CUL2: variants seen among roughly 807,000 people sequenced by gnomAD.
The protein encoded by CUL2 is cullin 2, also known as cullin-2.
In CUL2, 22 loss-of-function variants were observed where a neutral mutation model predicts 110.2. The ratio of observed to expected loss-of-function variants is 0.20; its 90% CI spans 0.14 to 0.28. The LOEUF (loss-of-function observed/expected upper bound fraction) is 0.28. Among genes scored for constraint, CUL2 ranks in the 10% least tolerant of loss-of-function variants. CUL2 has a pLI of 1.00. For synonymous variants in CUL2, 279 were observed against 293.2 expected, an observed-to-expected ratio of 0.95 and a Z score of 0.49; for missense variants, 631 against 905.5, an observed-to-expected ratio of 0.70 and a Z score of 3.89.
Position 35,031,992 on chromosome 10 carries a change from C to G in CUL2, c.1171-373G>C, listed in dbSNP as rs2085491424. Among the ~76,000 whole-genome samples the G allele has an allele frequency of 6.6e-6, 1 of 151,946 alleles. No individual in the cohort carries two copies. The highest frequency in any genetic ancestry group is 6.6e-5 in the Admixed American group (1 of 15,266). On this transcript the variant is annotated intron_variant, in intron 12 of 20. Coordinates refer to ENST00000374749, the MANE Select transcript of CUL2 (RefSeq NM_003591.4). The surrounding 1 kb of genome is among the most constrained non-coding windows in gnomAD (Gnocchi z 4.4). The stretch of plus-strand genomic sequence containing the variant: ...AAATATCAAATCATCACTTATTGAC[C>G]AATAAAGCAACTGATATAAGTAATA...
At chr10:35,020,178 A>T (rs952193038) in intron 17 of CUL2, among the ~76,000 whole-genome samples, 3 of 152,238 alleles carry the variant, frequency 2.0e-5, no homozygotes, top group Non-Finnish European at 4.4e-5. Flanking sequence ...AAAAAAAAAA[A>T]AATAAATCAC....
intron 10 of CUL2, 72 bp from the exon 11 acceptor site, chr10:35,033,345 G>C: frequency 1.0e-6 from 1 of 998,094 alleles, no homozygotes; most frequent in Non-Finnish European, 1.5e-6. Context: ...AGGTTTATTA[G>C]ACTTATTAGT....
chr10:35,013,677 A>C (rs769264066), intron 19 of CUL2, 22 bp downstream of exon 19: 4 of 1,471,540 alleles, frequency 2.7e-6, no homozygotes, highest in Admixed American at 4.0e-5. Flanking sequence ...CTCAAAAAAA[A>C]CTTGACATTA....
At position 35,031,284 on chromosome 10, in the gene CUL2, TA is replaced by T. The variant is rs2085474515; in HGVS notation, c.1386+15del. On this transcript the variant is annotated intron_variant, in intron 14 of 20. Coordinates refer to ENST00000374749, the MANE Select transcript of CUL2 (RefSeq NM_003591.4). The surrounding 1 kb of genome is among the most constrained non-coding windows in gnomAD (Gnocchi z 4.4). ...ATGAATTTCTAGGACAATACCACAT[TA>T]AAGACTTACATTACCTTTAATTTGT... is the stretch of plus-strand genomic sequence containing the variant. The T allele has an allele frequency of 6.6e-7, 1 of 1,514,652 alleles. No homozygotes were observed. The highest frequency in any genetic ancestry group is 1.4e-5 in the African/African-American group (1 of 71,638). 93.8% of individuals were successfully genotyped at this position (1,514,652 alleles called of 1,614,324 possible). A position where few individuals can be genotyped will look rare whatever the true frequency, so the allele number is the denominator to read the frequency against.
rs1011377442 is a variant in CUL2, at chr10:35,016,069, T to A, written c.1887+123A>T. On this transcript the variant is annotated intron_variant, in intron 18 of 20. Transcript: ENST00000374749. ...CAGCTCTATGGAGCGTACAGTAACGTAGTGAATACAAGTGCTTTCCAGAGC... is the reference window on the plus strand; with the variant it reads ...CAGCTCTATGGAGCGTACAGTAACGAAGTGAATACAAGTGCTTTCCAGAGC... 4.0e-6 allele frequency: 3 copies of A among 755,476 alleles called. No individual in the cohort carries two copies. The African/African-American group carries it at 5.3e-5, about 13-fold the overall frequency. 46.8% of individuals were successfully genotyped at this position (755,476 alleles called of 1,614,324 possible). A position where few individuals can be genotyped will look rare whatever the true frequency, so the allele number is the denominator to read the frequency against.
Position 35,035,253 on chromosome 10 carries a change from A to G in CUL2, c.921T>C (p.Gly307=). The G allele has an allele frequency of 1.9e-6, 3 of 1,614,172 alleles. No homozygotes were observed. Among genetic ancestry groups the G allele is most frequent in the Non-Finnish European group, 2.5e-6 (3 of 1,180,002 alleles). Residue 307 remains glycine, a synonymous_variant, in exon 10 of 21, where the codon GGT becomes GGC. Transcript: ENST00000374749. ...MYVLLRAVST[G]LPHMIQELQN... is the part of the protein sequence containing the mutation. ...GCAGCTCCTGAATCATATGAGGTAA[A>G]CCAGTGGACACAGCACGGAGTAAGA...
intron 16 of CUL2, among the ~76,000 whole-genome samples, chr10:35,026,105 C>T (rs1215496914): frequency 6.6e-6 from 1 of 152,178 alleles, no homozygotes; most frequent in African/African-American, 2.4e-5. Context: ...ATTCCTTCAG[C>T]AGTTACTCTA....
At chr10:35,104,325 A>T (rs2135114815) in intron 1 of CUL2, among the ~76,000 whole-genome samples, 1 of 152,276 alleles carries the variant, frequency 6.6e-6, no homozygotes, top group South Asian at 2.1e-4. Context: ...GTGCATTTGT[A>T]GTCTTAGTTA....
chr10:35,113,766 G>A (rs914448448), intron 1 of CUL2, among the ~76,000 whole-genome samples: 17 of 151,494 alleles, frequency 1.1e-4, no homozygotes, highest in African/African-American at 3.9e-4. Context: ...GAATGCAGTG[G>A]CACGATCTCA....
rs1417441828 is a variant in CUL2, at chr10:35,084,299, T to C, written c.-23+5880A>G. On this transcript the variant is annotated intron_variant, in intron 1 of 20. Transcript: ENST00000374749. ...TCAAACAAGCAAACAAGACACAGTA[T>C]CAGTCTGAATTTTTAATTCTCCAGA... 2.0e-5 allele frequency among the ~76,000 whole-genome samples: 3 copies of C among 152,134 alleles called. No individual in the cohort carries two copies. In the East Asian group the frequency reaches 5.8e-4, roughly 29 times the overall value.
rs749222379 is a variant in CUL2 at position 35,028,850 on chromosome 10, G to C, written c.1577C>G (p.Thr526Arg). 1 of 1,611,856 alleles carries C rather than the reference G, an allele frequency of 6.2e-7. No homozygotes were observed. The highest frequency in any genetic ancestry group is 8.5e-7 in the Non-Finnish European group (1 of 1,178,596). Residue 526 changes from threonine (T) to arginine (R), a missense_variant, in exon 16 of 21, where the codon ACG becomes AGG. Thr to Arg is a moderately conservative substitution (Grantham distance 71). Transcript: ENST00000374749. ...TTCTAATTCCTGGGGAATTGCAAACGTAGATGAAGGAGCCTGAGTAAGAGG... is the reference window on the plus strand; with the variant it reads ...TTCTAATTCCTGGGGAATTGCAAACCTAGATGAAGGAGCCTGAGTAAGAGG... The part of the protein sequence containing the change: ...AWPLTQAPSS[T>R]FAIPQELEKS...
intron 1 of CUL2, among the ~76,000 whole-genome samples, chr10:35,086,860 T>C (rs1313585471): frequency 6.6e-6 from 1 of 152,210 alleles, no homozygotes; most frequent in African/African-American, 2.4e-5. Context: ...TATTTAACAC[T>C]CTAAAAAATA....
chr10:35,021,545 G>A (rs186535504), intron 17 of CUL2, among the ~76,000 whole-genome samples: 1 of 151,534 alleles, frequency 6.6e-6, no homozygotes, highest in East Asian at 1.9e-4. Flanking sequence ...CAATTTTAAT[G>A]TATGAATATG....
rs370570975 is a variant in CUL2 at position 35,033,137 on chromosome 10, T to C, written c.1110+29A>G. 8.0e-5 allele frequency: 111 copies of C among 1,382,714 alleles called. 1 individual carries two copies. In the South Asian group the frequency reaches 1.0e-3, roughly 13 times the overall value. The allele number at this position is 1,382,714 out of a possible 1,614,324, so 85.7% of individuals were successfully genotyped here. A position where few individuals can be genotyped will look rare whatever the true frequency, so the allele number is the denominator to read the frequency against. ...AAAGAATGATAGAGTTTTATGTACA[T>C]ATATAGTATATATGTATTTAAAACT... On this transcript the variant is annotated intron_variant, in intron 11 of 20. Transcript: ENST00000374749.
intron 9 of CUL2, among the ~76,000 whole-genome samples, chr10:35,036,080 C>G (rs977842991): frequency 6.6e-6 from 1 of 152,212 alleles, no homozygotes; most frequent in Admixed American, 6.5e-5. Flanking sequence ...CAGGCATTAC[C>G]TACACCCAGG....
chr10:35,044,034 G>C (rs2085868037), intron 8 of CUL2, among the ~76,000 whole-genome samples: 2 of 123,766 alleles, frequency 1.6e-5, no homozygotes, highest in African/African-American at 6.2e-5. Flanking sequence ...CTGGGCACCA[G>C]AGCAAGACCA....
intron 1 of CUL2, among the ~76,000 whole-genome samples, chr10:35,075,264 C>G (rs899413231): frequency 6.6e-6 from 1 of 152,174 alleles, no homozygotes; most frequent in Non-Finnish European, 1.5e-5. Context: ...TCAAGATTCT[C>G]TGCTTGCCCA....
intron 2 of CUL2, among the ~76,000 whole-genome samples, chr10:35,097,538 T>C (rs1431886017): frequency 2.1e-5 from 3 of 143,880 alleles, no homozygotes; most frequent in Admixed American, 7.0e-5. Context: ...ATCTGACAAA[T>C]ACCCTTCAGT....
At chr10:35,087,422 C>T (rs181266914) in intron 1 of CUL2, among the ~76,000 whole-genome samples, 65 of 152,270 alleles carry the variant, frequency 4.3e-4, no homozygotes, top group African/African-American at 1.5e-3. Flanking sequence ...CCACTATATC[C>T]ACACATCTGG....
Sources: allele counts gnomAD v4.1 joint callset (sites outside exome capture counted in the v4.1 genomes callset), GRCh38; gene constraint gnomAD v4.1.1; non-coding constraint Gnocchi (gnomAD v3.1); transcripts MANE v1.5; gene names NCBI Gene and HGNC (gene_info 2026-07-23, HGNC 2026-07-21).